The following SLC24A4 variants were observed in gnomAD, a reference collection of about 807,000 sequenced individuals.
The protein encoded by SLC24A4 is solute carrier family 24 member 4, also known as sodium/potassium/calcium exchanger 4.
Under a neutral mutation model 79.0 loss-of-function variants are expected in SLC24A4, and 53 were observed. The observed-to-expected ratio is 0.67, with a 90% confidence interval of 0.54 to 0.84. The LOEUF is 0.84. Among genes scored for constraint, SLC24A4 ranks in the 40% least tolerant of loss-of-function variants. The pLI, the probability that SLC24A4 is intolerant of heterozygous loss-of-function variation, is 0.00. For synonymous variants in SLC24A4, 323 were observed against 323.8 expected (o/e 1.00, Z 0.03); for missense variants, 731 against 822.0 (o/e 0.89, Z 1.35).
chr14:92,330,155 G>C (rs1252872108), intron 2 of SLC24A4, among the ~76,000 whole-genome samples: 4 of 152,082 alleles, frequency 2.6e-5, no homozygotes, highest in Non-Finnish European at 5.9e-5. Context: ...AGAGTCTCAG[G>C]CCCCCCAATC....
At chr14:92,340,640 C>A (rs1260108312) in intron 2 of SLC24A4, among the ~76,000 whole-genome samples, 1 of 152,072 alleles carries the variant, frequency 6.6e-6, no homozygotes, top group South Asian at 2.1e-4. Context: ...GGGAAAGATT[C>A]CTTTCCCCAC....
intron 2 of SLC24A4, among the ~76,000 whole-genome samples, chr14:92,366,407 G>A (rs1179276247): frequency 6.6e-6 from 1 of 152,222 alleles, no homozygotes; most frequent in Non-Finnish European, 1.5e-5. Flanking sequence ...CGGCCAGAGG[G>A]ACAAGGTCAC....
intron 2 of SLC24A4, among the ~76,000 whole-genome samples, chr14:92,349,068 C>G (rs1217991824): frequency 1.3e-5 from 2 of 151,930 alleles, no homozygotes; most frequent in Non-Finnish European, 2.9e-5. Context: ...GGGATAACCC[C>G]CCTCTTCCAG....
At chr14:92,427,628 G>C (rs1891637315) in intron 2 of SLC24A4, among the ~76,000 whole-genome samples, 2 of 152,348 alleles carry the variant, frequency 1.3e-5, no homozygotes, top group African/African-American at 4.8e-5. Context: ...GCTTGTGCAG[G>C]ATTGGCTGAA....
rs939376160 is a variant in SLC24A4 at position 92,323,641 on chromosome 14, C to T, written c.-190C>T. 2 of 578,668 alleles carry T rather than the reference C, an allele frequency of 3.5e-6. No homozygotes were observed. The highest frequency in any genetic ancestry group is 3.5e-5 in the East Asian group (1 of 28,228). The allele number at this position is 578,668 out of a possible 1,614,324, so 35.8% of individuals were successfully genotyped here. A position where few individuals can be genotyped will look rare whatever the true frequency, so the allele number is the denominator to read the frequency against. On this transcript the variant is annotated 5_prime_UTR_variant, in exon 1 of 17. Transcript: ENST00000532405. This position sits in a 1 kb window ranked among gnomAD's most constrained non-coding sequence, Gnocchi z 4.9. Reference sequence around the variant, plus strand: ...GCGGGACTCTGAGCTCCGGCCGCGTCGCGCGTCCCCACCTTCCCAAGGGGC... The same window carrying T: ...GCGGGACTCTGAGCTCCGGCCGCGTTGCGCGTCCCCACCTTCCCAAGGGGC...
chr14:92,498,180 G>T lies in SLC24A4; in HGVS notation c.*4552G>T, dbSNP rs967058142. 6.6e-6 allele frequency: 1 copy of T among 152,268 alleles called. No individual in the cohort carries two copies. The highest frequency in any genetic ancestry group is 1.5e-5 in the Non-Finnish European group (1 of 68,104). 9.4% of individuals were successfully genotyped at this position (152,268 alleles called of 1,614,324 possible). A position where few individuals can be genotyped will look rare whatever the true frequency, so the allele number is the denominator to read the frequency against. On this transcript the variant is annotated 3_prime_UTR_variant, in exon 17 of 17. Coordinates refer to ENST00000532405, the MANE Select transcript of SLC24A4 (RefSeq NM_153646.4). ...CGCTGCGCTTGCTCTCTTTATGTGTGTGCACCCGAAGGATTTCCTGGTCTC... is the reference window on the plus strand; with the variant it reads ...CGCTGCGCTTGCTCTCTTTATGTGTTTGCACCCGAAGGATTTCCTGGTCTC...
intron 12 of SLC24A4, among the ~76,000 whole-genome samples, chr14:92,480,514 C>T (rs1436595171): frequency 2.7e-5 from 4 of 150,502 alleles, no homozygotes; most frequent in Admixed American, 1.3e-4. Context: ...AGGATGGTCT[C>T]GATCTCCTGA....
chr14:92,389,684 C>T (rs996736843), intron 2 of SLC24A4, among the ~76,000 whole-genome samples: 7 of 152,186 alleles, frequency 4.6e-5, no homozygotes, highest in African/African-American at 1.7e-4. Flanking sequence ...TCACCTGGCT[C>T]CTCGGTGGCA....
chr14:92,401,075 T>C (rs1333037772), intron 2 of SLC24A4, among the ~76,000 whole-genome samples: 2 of 152,110 alleles, frequency 1.3e-5, no homozygotes, highest in African/African-American at 4.8e-5. Context: ...AGTCCTTGCT[T>C]CTCCACCAGC....
chr14:92,493,047 T>C, intron 16 of SLC24A4: 1 of 379,034 alleles, frequency 2.6e-6, no homozygotes, highest in East Asian at 7.3e-5. Context: ...CAGGGGTCCA[T>C]AGGAGCCTTG....
chr14:92,422,705 A>G (rs546284411), intron 2 of SLC24A4, among the ~76,000 whole-genome samples: 2 of 152,376 alleles, frequency 1.3e-5, no homozygotes, highest in South Asian at 4.1e-4. Flanking sequence ...GGTTCCCTTA[A>G]TGATGCCTGT....
chr14:92,406,837 A>G (rs569433080), intron 2 of SLC24A4, among the ~76,000 whole-genome samples: 6 of 152,034 alleles, frequency 3.9e-5, no homozygotes, highest in African/African-American at 1.2e-4. Flanking sequence ...CATTTTCCCC[A>G]TTGTCTTGGC....
intron 3 of SLC24A4, among the ~76,000 whole-genome samples, chr14:92,434,822 G>A (rs1566763735): frequency 6.6e-6 from 1 of 152,182 alleles, no homozygotes; most frequent in Non-Finnish European, 1.5e-5. Context: ...CGCCCAGGCT[G>A]GAGTACAGTG....
Position 92,493,824 on chromosome 14 carries a change from T to G in SLC24A4, c.*196T>G. 1 of 660,032 alleles carries G rather than the reference T, an allele frequency of 1.5e-6. No individual in the cohort carries two copies. The highest frequency in any genetic ancestry group is 2.5e-6 in the Non-Finnish European group (1 of 397,228). The allele number at this position is 660,032 out of a possible 1,614,324, so 40.9% of individuals were successfully genotyped here. A position where few individuals can be genotyped will look rare whatever the true frequency, so the allele number is the denominator to read the frequency against. ...CTGGGCATCCTCCTCCTCCTTGGAG[T>G]TCCGCCCCTGCAAGGCTGGATTTGG... On this transcript the variant is annotated 3_prime_UTR_variant, in exon 17 of 17. Transcript: ENST00000532405.
At position 92,443,346 on chromosome 14, in the gene SLC24A4, A is replaced by AC; in HGVS notation, c.583-49dup. 4 of 1,565,454 alleles carry AC rather than the reference A, an allele frequency of 2.6e-6. No individual in the cohort carries two copies. The South Asian group carries it at 4.5e-5, about 17-fold the overall frequency. ...GGGGGGAGGAGGCCTGGGCAGCTGC[A>AC]CCCCCTCCCCGCTTCTGCGCTCATA... On this transcript the variant is annotated intron_variant, in intron 6 of 16. Transcript: ENST00000532405.
At chr14:92,406,646 G>A (rs1890398780) in intron 2 of SLC24A4, among the ~76,000 whole-genome samples, 1 of 152,222 alleles carries the variant, frequency 6.6e-6, no homozygotes, top group Admixed American at 6.5e-5. Flanking sequence ...CTCTGAAACA[G>A]GGGCTTGAGC....
chr14:92,458,163 C>G (rs1893590320), intron 12 of SLC24A4, among the ~76,000 whole-genome samples: 1 of 152,194 alleles, frequency 6.6e-6, no homozygotes, highest in African/African-American at 2.4e-5. Flanking sequence ...GCCTGGGGAT[C>G]TGCATTTTCA....
intron 2 of SLC24A4, chr14:92,408,466 G>A (rs1032105696): frequency 2.6e-5 from 25 of 979,956 alleles, no homozygotes; most frequent in Non-Finnish European, 3.0e-5. Context: ...AGCCTTCATA[G>A]GTGGGCTGAT....
rs910013594 is a variant in SLC24A4, at chr14:92,494,041, T to A, written c.*413T>A. 5.7e-6 allele frequency: 1 copy of A among 174,466 alleles called. No individual in the cohort carries two copies. Among genetic ancestry groups the A allele is most frequent in the Non-Finnish European group, 1.2e-5 (1 of 80,344 alleles). The allele number at this position is 174,466 out of a possible 1,614,324, so 10.8% of individuals were successfully genotyped here. ...TCATAGGGCAGGTGCAAAATAGGAA[T>A]GTTGTTCTCAAGTGTCACCTCCAGC... On this transcript the variant is annotated 3_prime_UTR_variant, in exon 17 of 17. Coordinates refer to ENST00000532405, the MANE Select transcript of SLC24A4 (RefSeq NM_153646.4). The surrounding 1 kb of genome is among the most constrained non-coding windows in gnomAD (Gnocchi z 4.6).
Sources: allele counts gnomAD v4.1 joint callset (sites outside exome capture counted in the v4.1 genomes callset), GRCh38; gene constraint gnomAD v4.1.1; non-coding constraint Gnocchi (gnomAD v3.1); transcripts MANE v1.5; gene names NCBI Gene and HGNC (gene_info 2026-07-23, HGNC 2026-07-21).